The following PRKCB variants were observed in gnomAD, a reference collection of about 807,000 sequenced individuals.
The protein encoded by PRKCB is protein kinase C beta, also known as protein kinase C beta type.
PRKCB carries 13 observed loss-of-function variants against 81.5 expected under a neutral mutation model. The ratio of observed to expected loss-of-function variants is 0.16; its 90% CI spans 0.10 to 0.25. PRKCB has a LOEUF of 0.25. Ranked by LOEUF, PRKCB falls within the 10% of genes least tolerant of loss-of-function variation. PRKCB has a pLI of 1.00. For missense variants in PRKCB, 509 were observed against 875.7 expected (o/e 0.58, Z 5.29); for synonymous variants, 335 against 321.4 (o/e 1.04, Z -0.45).
chr16:23,915,603 G>A (rs558537627), intron 2 of PRKCB, among the ~76,000 whole-genome samples: 1 of 140,076 alleles, frequency 7.1e-6, no homozygotes, highest in Non-Finnish European at 1.5e-5. Flanking sequence ...GAAGTAGGAT[G>A]ATTGCATGAG....
At position 24,219,182 on chromosome 16, in the gene PRKCB, C is replaced by G; in HGVS notation, c.*4366C>G. The G allele has an allele frequency of 1.0e-6, 1 of 981,472 alleles. No individual in the cohort carries two copies. The highest frequency in any genetic ancestry group is 1.2e-6 in the Non-Finnish European group (1 of 827,656). 60.8% of individuals were successfully genotyped at this position (981,472 alleles called of 1,614,324 possible). On this transcript the variant is annotated 3_prime_UTR_variant, in exon 17 of 17. Transcript: ENST00000643927. ...TAAATGGGGGTTAATTTCTTCTCCA[C>G]CTCCCTACTGAACAAAAAAAGAAAT...
At chr16:23,874,932 T>C (rs1962969910) in intron 2 of PRKCB, among the ~76,000 whole-genome samples, 1 of 152,212 alleles carries the variant, frequency 6.6e-6, no homozygotes, top group Admixed American at 6.5e-5. Flanking sequence ...AAATCCATTC[T>C]GTTACTTATG....
chr16:24,112,558 A>T (rs954230614), intron 7 of PRKCB, among the ~76,000 whole-genome samples: 3 of 151,966 alleles, frequency 2.0e-5, no homozygotes, highest in African/African-American at 7.2e-5. Flanking sequence ...AACAACAATA[A>T]CAACAACAAC....
At chr16:24,191,322 G>C (rs1275090501) in intron 16 of PRKCB, 92 bp downstream of exon 16, 3 of 1,439,256 alleles carry the variant, frequency 2.1e-6, no homozygotes, top group Non-Finnish European at 2.9e-6. Context: ...CTGAGGGGTA[G>C]ACGTCAATGT....
At chr16:24,183,669 A>G (rs1207005662) in intron 13 of PRKCB, among the ~76,000 whole-genome samples, 1 of 152,192 alleles carries the variant, frequency 6.6e-6, no homozygotes, top group African/African-American at 2.4e-5. Context: ...CGAGTATCTC[A>G]TTCATCCTCA....
chr16:24,078,927 G>A (rs1026509458), intron 5 of PRKCB, among the ~76,000 whole-genome samples: 5 of 152,162 alleles, frequency 3.3e-5, no homozygotes, highest in African/African-American at 1.2e-4. Context: ...TGGGTCCCAG[G>A]AGGACTCAGT....
chr16:23,994,635 G>A (rs749222226), intron 3 of PRKCB, among the ~76,000 whole-genome samples: 1 of 152,214 alleles, frequency 6.6e-6, no homozygotes, highest in Admixed American at 6.5e-5. Context: ...AATGTCAGTG[G>A]ATAATCATAA....
chr16:23,978,017 C>T (rs1042041194), intron 2 of PRKCB, among the ~76,000 whole-genome samples: 2 of 152,226 alleles, frequency 1.3e-5, no homozygotes, highest in Admixed American at 1.3e-4. Flanking sequence ...CCTTCACAAC[C>T]GTATGTGAAA....
intron 15 of PRKCB, 82 bp downstream of exon 15, chr16:24,185,649 G>T: frequency 8.6e-7 from 1 of 1,159,004 alleles, no homozygotes; most frequent in South Asian, 1.3e-5. Flanking sequence ...CACCCCACCA[G>T]GGGGGAACAC....
At chr16:23,864,644 C>T (rs1026895287) in intron 2 of PRKCB, among the ~76,000 whole-genome samples, 9 of 152,170 alleles carry the variant, frequency 5.9e-5, no homozygotes, top group East Asian at 1.9e-4. Flanking sequence ...AAACAGGAAA[C>T]GGAAGGTGGA....
chr16:24,160,107 G>A (rs937078836), intron 10 of PRKCB, among the ~76,000 whole-genome samples: 2 of 151,462 alleles, frequency 1.3e-5, no homozygotes, highest in Non-Finnish European at 2.9e-5. Flanking sequence ...CTGACCCCCA[G>A]AAAGATGAAA....
At position 23,976,960 on chromosome 16, in the gene PRKCB, T is replaced by C. The variant is rs546625313; in HGVS notation, c.206-11548T>C. ...TCCTCATGTTGGCTCAACTGTTTTA[T>C]CTTGCTTAGTTAAATAAATTTGGTA... On this transcript the variant is annotated intron_variant, in intron 2 of 16. Transcript: ENST00000643927. Among the ~76,000 whole-genome samples, 6 of 152,356 alleles carry C rather than the reference T, an allele frequency of 3.9e-5. 1 individual carries two copies. The highest frequency in any genetic ancestry group is 1.4e-4 in the African/African-American group (6 of 41,588).
At chr16:24,049,063 T>G (rs1396751230) in intron 5 of PRKCB, among the ~76,000 whole-genome samples, 5 of 142,104 alleles carry the variant, frequency 3.5e-5, no homozygotes, top group African/African-American at 1.1e-4. Flanking sequence ...TTTTTTTTTT[T>G]TTTTTTTTTT....
chr16:24,117,600 A>T (rs1164934317), intron 8 of PRKCB, among the ~76,000 whole-genome samples: 3 of 152,172 alleles, frequency 2.0e-5, no homozygotes, highest in Non-Finnish European at 4.4e-5. Flanking sequence ...GGTTTAAGTA[A>T]CTTTATAAGG....
At chr16:24,193,157 T>C (rs1967819800) in intron 16 of PRKCB, among the ~76,000 whole-genome samples, 1 of 151,674 alleles carries the variant, frequency 6.6e-6, no homozygotes. Flanking sequence ...ATAAATGGGG[T>C]CTTGGCCGGG....
In PRKCB at chr16:24,155,280, G is replaced by T. The variant is rs115175349; in HGVS notation, c.1239+423G>T. Among the ~76,000 whole-genome samples the T allele has an allele frequency of 6.6e-3, 1,002 of 152,288 alleles. 12 individuals are homozygous for T. The highest frequency in any genetic ancestry group is 0.022 in the African/African-American group (934 of 41,562). The stretch of plus-strand genomic sequence containing the variant: ...TGGGCCTCATTGGAGGGAGGATGTT[G>T]CCTGAGAACACAGCCCTCGAGGACT... On this transcript the variant is annotated intron_variant, in intron 10 of 16. Coordinates refer to ENST00000643927, the MANE Select transcript of PRKCB (RefSeq NM_002738.7).
At chr16:24,208,246 TG>T (rs1968078090) in intron 16 of PRKCB, 1 of 152,228 alleles carries the variant, frequency 6.6e-6, no homozygotes, top group Non-Finnish European at 1.5e-5. Context: ...CACCCCAACC[TG>T]GGTAAGAGAG....
chr16:23,862,841 T>C (rs1962696606), intron 2 of PRKCB, among the ~76,000 whole-genome samples: 1 of 152,002 alleles, frequency 6.6e-6, no homozygotes, highest in Non-Finnish European at 1.5e-5. Flanking sequence ...AGAAAGGTAT[T>C]CCTAGCCTCT....
chr16:24,083,905 C>G (rs1026677365), intron 5 of PRKCB, among the ~76,000 whole-genome samples: 1 of 151,668 alleles, frequency 6.6e-6, no homozygotes, highest in Middle Eastern at 3.2e-3. Context: ...CAAGTACACA[C>G]AGAGAGAGAG....
Sources: allele counts gnomAD v4.1 joint callset (sites outside exome capture counted in the v4.1 genomes callset), GRCh38; gene constraint gnomAD v4.1.1; transcripts MANE v1.5; gene names NCBI Gene and HGNC (gene_info 2026-07-23, HGNC 2026-07-21).